The following VSTM2A variants were observed in gnomAD, a reference collection of about 807,000 sequenced individuals.
The protein encoded by VSTM2A is V-set and transmembrane domain-containing protein 2A.
VSTM2A carries 13 observed loss-of-function variants against 27.3 expected under a neutral mutation model. The ratio of observed to expected loss-of-function variants is 0.48; its 90% CI spans 0.31 to 0.76. The LOEUF is 0.76. Ranked by LOEUF, VSTM2A falls within the 30% of genes least tolerant of loss-of-function variation. The pLI, the probability that VSTM2A is intolerant of heterozygous loss-of-function variation, is 0.05. For synonymous variants in VSTM2A, 142 were observed against 125.7 expected (o/e 1.13, Z -0.87); for missense variants, 280 against 310.0 (o/e 0.90, Z 0.73).
At chr7:54,546,739 G>A in intron 2 of VSTM2A, 2 of 539,526 alleles carry the variant, frequency 3.7e-6, no homozygotes, top group South Asian at 2.4e-5. Flanking sequence ...GACGGCGTGG[G>A]GTATGCCAGG....
At chr7:54,543,068 T>C (rs1445782932) in intron 1 of VSTM2A, among the ~76,000 whole-genome samples, 1 of 152,002 alleles carries the variant, frequency 6.6e-6, no homozygotes, top group Non-Finnish European at 1.5e-5. Flanking sequence ...GTGTGGTGTG[T>C]GTGTGTGGGT....
chr7:54,548,170 C>G (rs1415481942), intron 3 of VSTM2A, among the ~76,000 whole-genome samples: 1 of 152,054 alleles, frequency 6.6e-6, no homozygotes, highest in Non-Finnish European at 1.5e-5. Flanking sequence ...CACCCTTCAC[C>G]CGTCCCCCTA....
At chr7:54,559,114 A>C (rs906288528) in intron 4 of VSTM2A, 5 of 152,126 alleles carry the variant, frequency 3.3e-5, no homozygotes, top group Admixed American at 1.3e-4. Flanking sequence ...TAATATGAAT[A>C]AAATTAAGAT....
At chr7:54,565,573 G>A (rs1301543255) in intron 4 of VSTM2A, among the ~76,000 whole-genome samples, 1 of 152,218 alleles carries the variant, frequency 6.6e-6, no homozygotes, top group East Asian at 1.9e-4. Flanking sequence ...GAAAGGGCAA[G>A]AGGCACGAGA....
At chr7:54,557,806 T>C (rs1475924799) in intron 4 of VSTM2A, 1 of 152,318 alleles carries the variant, frequency 6.6e-6, no homozygotes, top group South Asian at 2.1e-4. Context: ...TTATCAGCAA[T>C]GAAATGATTA....
chr7:54,561,305 T>C (rs931546600), intron 4 of VSTM2A, among the ~76,000 whole-genome samples: 5 of 152,174 alleles, frequency 3.3e-5, no homozygotes, highest in Non-Finnish European at 5.9e-5. Context: ...TTTTGGTTTA[T>C]GTATAGTGCA....
Position 54,542,390 on chromosome 7 carries a change from T to C in VSTM2A, c.-341T>C, listed in dbSNP as rs894299351. On this transcript the variant is annotated 5_prime_UTR_variant, in exon 1 of 5. Transcript: ENST00000402613. The stretch of plus-strand genomic sequence containing the variant: ...CCCACTCCCCACTTCCCGAGCCGGC[T>C]CCGTGTTTAGGGAGGGCAGTGATCA... The C allele has an allele frequency of 1.4e-5, 5 of 358,954 alleles. No homozygotes were observed. The South Asian group carries it at 1.9e-4, about 14-fold the overall frequency. 22.2% of individuals were successfully genotyped at this position (358,954 alleles called of 1,614,324 possible). A position where few individuals can be genotyped will look rare whatever the true frequency, so the allele number is the denominator to read the frequency against.
At chr7:54,555,761 G>A (rs1280723483) in intron 4 of VSTM2A, among the ~76,000 whole-genome samples, 1 of 152,112 alleles carries the variant, frequency 6.6e-6, no homozygotes, top group Non-Finnish European at 1.5e-5. Context: ...CTGAACAAGT[G>A]GGGCTCATGT....
chr7:54,564,969 A>G (rs1391851583), intron 4 of VSTM2A, among the ~76,000 whole-genome samples: 2 of 152,250 alleles, frequency 1.3e-5, no homozygotes, highest in Non-Finnish European at 2.9e-5. Flanking sequence ...CATATCCAAT[A>G]TCAGTTCAGA....
intron 2 of VSTM2A, chr7:54,546,691 C>CCGGGACAGCCG: frequency 2.3e-6 from 1 of 439,278 alleles, no homozygotes; most frequent in South Asian, 3.8e-5. Context: ...CGGGACAGCG[C>CCGGGACAGCCG]CGGGACAGCC....
intron 2 of VSTM2A, 37 bp from the exon 3 acceptor site, chr7:54,546,910 C>T: frequency 6.3e-7 from 1 of 1,595,808 alleles, no homozygotes. Context: ...GTCGGGCGGG[C>T]CTGGCGCGGG....
At chr7:54,543,885 C>T (rs1787861199) in intron 1 of VSTM2A, among the ~76,000 whole-genome samples, 1 of 152,186 alleles carries the variant, frequency 6.6e-6, no homozygotes, top group African/African-American at 2.4e-5. Flanking sequence ...TTGCATGAAT[C>T]TTGCAAACTA....
At chr7:54,565,699 A>T (rs1253546044) in intron 4 of VSTM2A, among the ~76,000 whole-genome samples, 1 of 152,200 alleles carries the variant, frequency 6.6e-6, no homozygotes, top group Non-Finnish European at 1.5e-5. Flanking sequence ...GCCTCACACC[A>T]TTTCCGCCAG....
chr7:54,547,184 C>T, intron 3 of VSTM2A, 187 bp downstream of exon 3: 1 of 559,976 alleles, frequency 1.8e-6, no homozygotes, highest in African/African-American at 2.0e-5. Flanking sequence ...ATATTTTAGT[C>T]ACGTAAATGT....
At chr7:54,547,262 T>C (rs1788030588) in intron 3 of VSTM2A, 1 of 412,068 alleles carries the variant, frequency 2.4e-6, no homozygotes, top group African/African-American at 2.1e-5. Flanking sequence ...TTGCTTTTTG[T>C]AACTTACCTA....
intron 2 of VSTM2A, chr7:54,546,714 C>CGGGACAGCCCG: frequency 3.9e-6 from 2 of 509,438 alleles, no homozygotes; most frequent in Non-Finnish European, 6.9e-6. Flanking sequence ...GGGACAGCCC[C>CGGGACAGCCCG]GGGGAAAGCG....
At chr7:54,546,804 C>A in intron 2 of VSTM2A, 143 bp from the exon 3 acceptor site, 6 of 922,982 alleles carry the variant, frequency 6.5e-6, no homozygotes, top group Non-Finnish European at 7.8e-6. Context: ...TGGGCCTGGA[C>A]AGGGGTGGCC....
At chr7:54,559,926 G>A (rs1324875671) in intron 4 of VSTM2A, 3 of 152,204 alleles carry the variant, frequency 2.0e-5, no homozygotes, top group Middle Eastern at 3.4e-3. Flanking sequence ...TCTGAGCCAT[G>A]TGCATAGAAA....
chr7:54,560,251 T>G (rs1788513456), intron 4 of VSTM2A, among the ~76,000 whole-genome samples: 1 of 152,150 alleles, frequency 6.6e-6, no homozygotes, highest in African/African-American at 2.4e-5. Flanking sequence ...AAAGTACTGT[T>G]GTGAAAATGG....
Sources: allele counts gnomAD v4.1 joint callset (sites outside exome capture counted in the v4.1 genomes callset), GRCh38; gene constraint gnomAD v4.1.1; transcripts MANE v1.5; gene names NCBI Gene and HGNC (gene_info 2026-07-23, HGNC 2026-07-21).